GNAT3: variants seen among roughly 807,000 people sequenced by gnomAD.
GNAT3 encodes G protein subunit alpha transducin 3, also known as guanine nucleotide-binding protein G(t) subunit alpha-3.
In GNAT3, 31 loss-of-function variants were observed where a neutral mutation model predicts 37.7. The ratio of observed to expected loss-of-function variants is 0.82; its 90% CI spans 0.62 to 1.11. The LOEUF (loss-of-function observed/expected upper bound fraction) is 1.11, where lower values mean the gene tolerates loss of function less well. GNAT3 is among the 50% of genes most tolerant of loss of function. GNAT3 has a pLI of 0.00. For missense variants in GNAT3, 437 were observed against 412.5 expected, an observed-to-expected ratio of 1.06 and a Z score of -0.51; for synonymous variants, 138 against 139.8, an observed-to-expected ratio of 0.99 and a Z score of 0.09.
At chr7:80,494,859 A>G (rs1024340854) in intron 1 of GNAT3, among the ~76,000 whole-genome samples, 9 of 151,818 alleles carry the variant, frequency 5.9e-5, no homozygotes, top group Non-Finnish European at 8.8e-5. Flanking sequence ...CCAACAGGTA[A>G]TTTTTTTCAT....
chr7:80,502,002 A>G (rs1021642684), intron 1 of GNAT3, among the ~76,000 whole-genome samples: 3 of 151,996 alleles, frequency 2.0e-5, no homozygotes, highest in Non-Finnish European at 4.4e-5. Flanking sequence ...AGATATTCCA[A>G]CTTTCCATTT....
chr7:80,484,069 C>T (rs2116181711), intron 3 of GNAT3, among the ~76,000 whole-genome samples: 2 of 152,090 alleles, frequency 1.3e-5, no homozygotes, highest in South Asian at 4.2e-4. Flanking sequence ...GTTTCCTGCA[C>T]CTATCAACTC....
In GNAT3 at chr7:80,504,096, G is replaced by A. The variant is rs893601271; in HGVS notation, c.118+7713C>T. Among the ~76,000 whole-genome samples, 17 of 152,098 alleles carry A rather than the reference G, an allele frequency of 1.1e-4. No individual in the cohort carries two copies. In the East Asian group the frequency reaches 1.5e-3, roughly 14 times the overall value. On this transcript the variant is annotated intron_variant, in intron 1 of 7. Coordinates refer to ENST00000398291, the MANE Select transcript of GNAT3 (RefSeq NM_001102386.3). ...TTTGGGAGGCCGAGACAGGCAGATC[G>A]CTTGAGCCCAGAAGTTTGAGATCAG...
At chr7:80,461,589 T>C (rs1183491506) in intron 7 of GNAT3, among the ~76,000 whole-genome samples, 2 of 151,788 alleles carry the variant, frequency 1.3e-5, no homozygotes, top group Non-Finnish European at 2.9e-5. Context: ...TTTACAAAAA[T>C]AAATAAATAA....
intron 2 of GNAT3, among the ~76,000 whole-genome samples, chr7:80,491,775 A>T (rs1790597016): frequency 1.3e-5 from 2 of 152,196 alleles, no homozygotes; most frequent in Admixed American, 6.5e-5. Flanking sequence ...AAAATGGCTG[A>T]AAGTGGAAAG....
intron 1 of GNAT3, among the ~76,000 whole-genome samples, chr7:80,510,138 C>G (rs962599914): frequency 6.6e-6 from 1 of 152,088 alleles, no homozygotes; most frequent in Admixed American, 6.6e-5. Flanking sequence ...CTTGTTCCCC[C>G]CAACCACCCT....
At chr7:80,460,712 C>CAACAGGGTGAG (rs1790033991) in intron 7 of GNAT3, among the ~76,000 whole-genome samples, 1 of 151,538 alleles carries the variant, frequency 6.6e-6, no homozygotes, top group Non-Finnish European at 1.5e-5. Flanking sequence ...CGTGCCACTG[C>CAACAGGGTGAG]ACTCCAGCCT....
At chr7:80,462,417 C>A in intron 6 of GNAT3, 85 bp downstream of exon 6, 1 of 1,559,754 alleles carries the variant, frequency 6.4e-7, no homozygotes, top group Non-Finnish European at 8.8e-7. Context: ...TTTGGCAAAC[C>A]TTCATGAGTT....
intron 1 of GNAT3, among the ~76,000 whole-genome samples, chr7:80,495,594 C>T (rs766420094): frequency 6.6e-6 from 1 of 151,932 alleles, no homozygotes; most frequent in Non-Finnish European, 1.5e-5. Context: ...CTTAGCCTCC[C>T]GAGTACCTGG....
At chr7:80,498,856 TTAGA>T (rs1227133168) in intron 1 of GNAT3, among the ~76,000 whole-genome samples, 3 of 152,128 alleles carry the variant, frequency 2.0e-5, no homozygotes, top group Non-Finnish European at 2.9e-5. Context: ...TAATTCATAC[TTAGA>T]TACTCATAAA....
intron 1 of GNAT3, among the ~76,000 whole-genome samples, chr7:80,506,166 T>C (rs1459643128): frequency 1.3e-5 from 2 of 152,220 alleles, no homozygotes; most frequent in Non-Finnish European, 2.9e-5. Flanking sequence ...GAGTCAATAA[T>C]TCATGCTCGA....
intron 1 of GNAT3, among the ~76,000 whole-genome samples, chr7:80,497,644 A>G (rs138098052): frequency 4.0e-4 from 45 of 111,588 alleles, no homozygotes; most frequent in Non-Finnish European, 5.4e-4. Context: ...ACGTATATAC[A>G]TATACGTATA....
chr7:80,488,503 G>C (rs1402550076), intron 3 of GNAT3, 32 bp downstream of exon 3: 2 of 1,568,672 alleles, frequency 1.3e-6, no homozygotes, highest in East Asian at 4.5e-5. Context: ...CTCTATTGCA[G>C]GACATACAGC....
At chr7:80,482,683 T>C (rs1390951527) in intron 3 of GNAT3, among the ~76,000 whole-genome samples, 2 of 130,534 alleles carry the variant, frequency 1.5e-5, no homozygotes, top group Non-Finnish European at 3.2e-5. Context: ...CCAGCTAATT[T>C]TTGTAATTTT....
chr7:80,475,700 T>C (rs1360771823), intron 4 of GNAT3, among the ~76,000 whole-genome samples: 3 of 152,138 alleles, frequency 2.0e-5, no homozygotes, highest in Non-Finnish European at 1.5e-5. Flanking sequence ...AAAACAAAAT[T>C]ATTTTATTAG....
At chr7:80,476,487 A>C (rs1406310982) in intron 4 of GNAT3, among the ~76,000 whole-genome samples, 1 of 148,956 alleles carries the variant, frequency 6.7e-6, no homozygotes, top group African/African-American at 2.5e-5. Flanking sequence ...GTTTCCTCTG[A>C]TTATCCCTGC....
Position 80,477,530 on chromosome 7 carries a change from G to A in GNAT3, c.461+1311C>T, listed in dbSNP as rs1325218189. ...AAAGCAATGTGCCCTTTGAAATTGG[G>A]GTCTAAAATAAAGATGAATGAATAA... On this transcript the variant is annotated intron_variant, in intron 4 of 7. Coordinates refer to ENST00000398291, the MANE Select transcript of GNAT3 (RefSeq NM_001102386.3). 3.5e-4 allele frequency among the ~76,000 whole-genome samples: 53 copies of A among 151,816 alleles called. 1 individual carries two copies. Among genetic ancestry groups the A allele is most frequent in the Non-Finnish European group, 1.0e-4 (7 of 67,964 alleles).
At chr7:80,499,439 C>T (rs1239027507) in intron 1 of GNAT3, among the ~76,000 whole-genome samples, 3 of 151,960 alleles carry the variant, frequency 2.0e-5, no homozygotes, top group Non-Finnish European at 4.4e-5. Flanking sequence ...GGCTTGAGTG[C>T]AGTAGCATGA....
chr7:80,498,201 G>A (rs1790769733), intron 1 of GNAT3, among the ~76,000 whole-genome samples: 1 of 152,044 alleles, frequency 6.6e-6, no homozygotes, highest in African/African-American at 2.4e-5. Flanking sequence ...TAATCATACA[G>A]ATAACACTAA....
Sources: gnomAD v4.1 joint callset for allele counts (sites outside exome capture counted in the v4.1 genomes callset) on GRCh38, gnomAD v4.1.1 for gene constraint, MANE v1.5 for transcripts, NCBI Gene and HGNC (gene_info 2026-07-23, HGNC 2026-07-21) for gene names.